TMEM117: variants seen among roughly 807,000 people sequenced by gnomAD.
The protein encoded by TMEM117 is transmembrane protein 117.
A neutral mutation model predicts 52.4 loss-of-function variants in TMEM117; 27 were observed. That is an observed-to-expected ratio of 0.51 (90% CI 0.38 to 0.71). The LOEUF is 0.71. Ranked by LOEUF, TMEM117 falls within the 30% of genes least tolerant of loss-of-function variation. TMEM117 has a pLI of 0.00. For missense variants in TMEM117, 556 were observed against 630.5 expected (o/e 0.88, Z 1.26); for synonymous variants, 215 against 206.3 (o/e 1.04, Z -0.36).
intron 2 of TMEM117, among the ~76,000 whole-genome samples, chr12:43,898,624 T>C (rs930031414): frequency 3.9e-5 from 6 of 152,110 alleles, no homozygotes; most frequent in African/African-American, 1.4e-4. Context: ...GTTAATCTCA[T>C]TGACCTATTA....
chr12:43,933,123 C>T (rs1944897794), intron 2 of TMEM117, among the ~76,000 whole-genome samples: 3 of 151,888 alleles, frequency 2.0e-5, no homozygotes, highest in South Asian at 4.2e-4. Context: ...TATTTAAAAT[C>T]GTTAAGTATT....
intron 6 of TMEM117, among the ~76,000 whole-genome samples, chr12:44,319,534 G>C (rs1056092344): frequency 2.6e-5 from 4 of 152,034 alleles, no homozygotes; most frequent in Admixed American, 2.0e-4. Context: ...TGTCTTAATG[G>C]GTTCCCGTTT....
intron 2 of TMEM117, among the ~76,000 whole-genome samples, chr12:43,868,629 A>G (rs940144249): frequency 2.6e-5 from 4 of 151,946 alleles, no homozygotes; most frequent in Non-Finnish European, 4.4e-5. Flanking sequence ...AGAAGAATTT[A>G]GAAGATAAAT....
chr12:44,358,812 C>T (rs367908869), intron 6 of TMEM117, among the ~76,000 whole-genome samples: 376 of 152,168 alleles, frequency 2.5e-3, no homozygotes, highest in Non-Finnish European at 4.4e-3. Context: ...CAACCTCCTC[C>T]CACTCCTGGG....
chr12:44,054,752 T>A (rs912294769), intron 3 of TMEM117, among the ~76,000 whole-genome samples: 16 of 152,066 alleles, frequency 1.1e-4, no homozygotes, highest in East Asian at 1.9e-4. Flanking sequence ...CTTTTTTTTT[T>A]AAATTATACT....
In TMEM117 at chr12:43,861,794, AAT is replaced by A. The variant is rs202079380; in HGVS notation, c.277+16868_277+16869del. Among the ~76,000 whole-genome samples the A allele has an allele frequency of 8.7e-3, 1,308 of 149,838 alleles. 6 individuals are homozygous for A. Among genetic ancestry groups the A allele is most frequent in the Admixed American group, 0.014 (213 of 15,202 alleles). ...TCTATGCACTAGGGATACAGTGGTG[AAT>A]AATAATAATAACAAAACACTCAAGA... On this transcript the variant is annotated intron_variant, in intron 2 of 7. Coordinates refer to ENST00000266534, the MANE Select transcript of TMEM117 (RefSeq NM_032256.3).
At chr12:44,078,516 G>C (rs1947419245) in intron 3 of TMEM117, among the ~76,000 whole-genome samples, 1 of 152,188 alleles carries the variant, frequency 6.6e-6, no homozygotes, top group Non-Finnish European at 1.5e-5. Context: ...GGTGACACAA[G>C]AACCAGTGCA....
chr12:44,320,112 C>T (rs1008969948), intron 6 of TMEM117, among the ~76,000 whole-genome samples: 3 of 152,194 alleles, frequency 2.0e-5, no homozygotes, highest in African/African-American at 7.2e-5. Flanking sequence ...ATCTCTGGTT[C>T]ATCATGTCTA....
intron 4 of TMEM117, among the ~76,000 whole-genome samples, chr12:44,205,261 G>T (rs563794546): frequency 6.6e-6 from 1 of 152,110 alleles, no homozygotes; most frequent in Non-Finnish European, 1.5e-5. Context: ...TAAGACTCAC[G>T]AGACCTGATG....
At chr12:43,970,977 C>G in intron 3 of TMEM117, among the ~76,000 whole-genome samples, 1 of 152,106 alleles carries the variant, frequency 6.6e-6, no homozygotes, top group South Asian at 2.1e-4. Flanking sequence ...ACCTGATAGT[C>G]TAAAATTGAA....
At chr12:43,908,644 G>A (rs1381531780) in intron 2 of TMEM117, among the ~76,000 whole-genome samples, 1 of 151,972 alleles carries the variant, frequency 6.6e-6, no homozygotes, top group Admixed American at 6.6e-5. Flanking sequence ...ATAAAAGGAG[G>A]GAGGAAGATC....
chr12:44,229,870 A>G (rs1949910881), intron 5 of TMEM117, among the ~76,000 whole-genome samples: 1 of 152,154 alleles, frequency 6.6e-6, no homozygotes, highest in African/African-American at 2.4e-5. Flanking sequence ...TTAATATAGA[A>G]CTTCATTAAG....
At chr12:43,913,647 C>T (rs1270508137) in intron 2 of TMEM117, among the ~76,000 whole-genome samples, 1 of 152,076 alleles carries the variant, frequency 6.6e-6, no homozygotes, top group Non-Finnish European at 1.5e-5. Flanking sequence ...ATGAGTCGTT[C>T]CTGTTTTTGC....
intron 3 of TMEM117, among the ~76,000 whole-genome samples, chr12:44,106,205 C>CT (rs1947951340): frequency 6.6e-6 from 1 of 151,962 alleles, no homozygotes; most frequent in African/African-American, 2.4e-5. Flanking sequence ...GCTTGTTCAC[C>CT]TTTTTTAACT....
intron 1 of TMEM117, among the ~76,000 whole-genome samples, chr12:43,842,236 T>G (rs923007387): frequency 6.6e-6 from 1 of 152,212 alleles, no homozygotes; most frequent in African/African-American, 2.4e-5. Flanking sequence ...GTCACACATA[T>G]AAGTTTCTGC....
intron 2 of TMEM117, among the ~76,000 whole-genome samples, chr12:43,907,724 T>C (rs1944418445): frequency 6.6e-6 from 1 of 151,836 alleles, no homozygotes; most frequent in South Asian, 2.1e-4. Flanking sequence ...GCTGATGCGA[T>C]CAACTGGAAG....
At chr12:44,243,977 A>T (rs1214079312) in intron 5 of TMEM117, among the ~76,000 whole-genome samples, 1 of 152,040 alleles carries the variant, frequency 6.6e-6, no homozygotes, top group South Asian at 2.1e-4. Context: ...TTTAAGGCTG[A>T]ATAGTATTCT....
chr12:43,929,164 G>C (rs908750313), intron 2 of TMEM117, among the ~76,000 whole-genome samples: 2 of 152,038 alleles, frequency 1.3e-5, no homozygotes, highest in Admixed American at 1.3e-4. Context: ...CCTGAGGAAT[G>C]GCCACACTGA....
intron 5 of TMEM117, among the ~76,000 whole-genome samples, chr12:44,269,263 A>G (rs780020315): frequency 6.6e-6 from 1 of 151,918 alleles, no homozygotes; most frequent in Non-Finnish European, 1.5e-5. Flanking sequence ...GCATAAATTT[A>G]AAAGGAAAAC....
Sources: allele counts gnomAD v4.1 joint callset (sites outside exome capture counted in the v4.1 genomes callset), GRCh38; gene constraint gnomAD v4.1.1; transcripts MANE v1.5; gene names NCBI Gene and HGNC (gene_info 2026-07-23, HGNC 2026-07-21).